CCDC88A: variants seen among roughly 807,000 people sequenced by gnomAD.
CCDC88A encodes coiled-coil and HOOK domain protein 88A, also known as girdin.
Under a neutral mutation model 234.3 loss-of-function variants are expected in CCDC88A, and 54 were observed. The ratio of observed to expected loss-of-function variants is 0.23; its 90% CI spans 0.19 to 0.29. The LOEUF (loss-of-function observed/expected upper bound fraction) is 0.29, where lower values mean the gene tolerates loss of function less well. Among genes scored for constraint, CCDC88A ranks in the 10% least tolerant of loss-of-function variants. The pLI is 1.00. For synonymous variants in CCDC88A, 753 were observed against 737.8 expected (o/e 1.02, Z -0.33); for missense variants, 1,832 against 2,123.4 (o/e 0.86, Z 2.70).
Position 55,346,237 on chromosome 2 carries a change from T to G in CCDC88A, c.979A>C (p.Ser327Arg). ...EKAVRVDKLE[S>R]EVSRYKERLH... Reference sequence around the variant, plus strand: ...CTCTCTTTATATCTGCTGACTTCACTTTCAAGCTTATCGACTCTGACTGCT... The same window carrying G: ...CTCTCTTTATATCTGCTGACTTCACGTTCAAGCTTATCGACTCTGACTGCT... Residue 327 changes from serine (S) to arginine (R), a missense_variant, in exon 10 of 33, where the codon AGT becomes CGT. By Grantham distance (110) the Ser-to-Arg change is moderately radical. Coordinates refer to ENST00000436346, the MANE Select transcript of CCDC88A (RefSeq NM_001365480.1). 1 of 1,612,374 alleles carries G rather than the reference T, an allele frequency of 6.2e-7. No individual in the cohort carries two copies. Among genetic ancestry groups the G allele is most frequent in the Non-Finnish European group, 8.5e-7 (1 of 1,178,684 alleles).
rs1412562292 is a variant in CCDC88A at position 55,344,479 on chromosome 2, T to G, written c.1077A>C (p.Thr359=). Residue 359 remains threonine (T), a synonymous_variant, in exon 11 of 33, where the codon ACA becomes ACC. Coordinates refer to ENST00000436346, the MANE Select transcript of CCDC88A (RefSeq NM_001365480.1). ...CTAGTTGGTCTTCCAACATGGTTTT[T>G]GTTTCTAATAAAACTTGATTGTCTT... ...LKEDNQVLLE[T]KTMLEDQLEG... 6.4e-7 allele frequency: 1 copy of G among 1,572,568 alleles called. No homozygotes were observed. The highest frequency in any genetic ancestry group is 1.8e-5 in the Admixed American group (1 of 57,126).
rs1268895467 is a variant in CCDC88A, at chr2:55,295,866, G to A, written c.5282C>T (p.Thr1761Ile). ...PEFLRPGPRK[T>I]EDTYFISSAG... is the part of the protein sequence containing the mutation. ...AGAACTAATGAAGTAGGTATCTTCAGTTTTTCGAGGACCAGGTCTCAAAAA... is the reference window on the plus strand; with the variant it reads ...AGAACTAATGAAGTAGGTATCTTCAATTTTTCGAGGACCAGGTCTCAAAAA... The change falls in exon 31 of 33, where the codon ACT becomes ATT. Residue 1761 changes from threonine to isoleucine, a missense_variant. Physicochemically the swap from Thr to Ile is moderately conservative, Grantham distance 89. Coordinates refer to ENST00000436346, the MANE Select transcript of CCDC88A (RefSeq NM_001365480.1). 3 of 1,614,088 alleles carry A rather than the reference G, an allele frequency of 1.9e-6. No individual in the cohort carries two copies. The highest frequency in any genetic ancestry group is 1.1e-5 in the South Asian group (1 of 91,078).
intron 2 of CCDC88A, among the ~76,000 whole-genome samples, chr2:55,396,532 C>G (rs1374454921): frequency 6.6e-6 from 1 of 151,940 alleles, no homozygotes; most frequent in Non-Finnish European, 1.5e-5. Context: ...TTAGTTTTTC[C>G]TTTTATAGGA....
chr2:55,327,307 C>T (rs1461044770), intron 17 of CCDC88A, among the ~76,000 whole-genome samples: 1 of 152,016 alleles, frequency 6.6e-6, no homozygotes, highest in Non-Finnish European at 1.5e-5. Context: ...AATAGACAGC[C>T]CTATCTCTGA....
chr2:55,322,323 G>GAA (rs1181574567), intron 18 of CCDC88A, among the ~76,000 whole-genome samples: 1 of 152,120 alleles, frequency 6.6e-6, no homozygotes, highest in Non-Finnish European at 1.5e-5. Context: ...AATGCTGAGG[G>GAA]AAGCCAGTCA....
Position 55,335,281 on chromosome 2 carries a change from AC to A in CCDC88A, c.1657-118del. ...AAAAAAGGGTGCTAGAACATGTCTT[AC>A]TTTTAATTCTGACAAGTATTTACTG... On this transcript the variant is annotated intron_variant, in intron 14 of 32. Transcript: ENST00000436346. The surrounding 1 kb of genome is among the most constrained non-coding windows in gnomAD (Gnocchi z 4.5). 1.7e-6 allele frequency: 1 copy of A among 583,864 alleles called. No individual in the cohort carries two copies. Among genetic ancestry groups the A allele is most frequent in the Non-Finnish European group, 2.8e-6 (1 of 358,060 alleles). 36.2% of individuals were successfully genotyped at this position (583,864 alleles called of 1,614,324 possible).
In CCDC88A at chr2:55,301,270, T is replaced by C. The variant is rs776286471; in HGVS notation, c.4680A>G (p.Thr1560=). 1.3e-6 allele frequency: 2 copies of C among 1,566,050 alleles called. No homozygotes were observed. Among genetic ancestry groups the C allele is most frequent in the South Asian group, 2.3e-5 (2 of 86,304 alleles). The part of the protein sequence containing the change: ...SKQLVNNKDT[T]SFEDISPQGV... ...CTTGTGGACTTATGTCTTCAAAGGA[T>C]GTAGTATCTACATAAAATAGCAAAA... The change falls in exon 28 of 33, where the codon ACA becomes ACG. Residue 1560 remains threonine, a synonymous_variant. Coordinates refer to ENST00000436346, the MANE Select transcript of CCDC88A (RefSeq NM_001365480.1).
At chr2:55,337,832 C>A (rs1667988658) in intron 13 of CCDC88A, among the ~76,000 whole-genome samples, 1 of 151,672 alleles carries the variant, frequency 6.6e-6, no homozygotes, top group Non-Finnish European at 1.5e-5. Flanking sequence ...ATAGTGAGAC[C>A]CTAGCTCGAA....
In CCDC88A at chr2:55,307,649, C is replaced by T. The variant is rs558745030; in HGVS notation, c.4387+1160G>A. On this transcript the variant is annotated intron_variant, in intron 25 of 32. Coordinates refer to ENST00000436346, the MANE Select transcript of CCDC88A (RefSeq NM_001365480.1). ...GATTACAGGCGTGAGCCACCGTTCC[C>T]GGCCTAATTTTTTTTAAATAATAGA... Among the ~76,000 whole-genome samples, 51 of 151,992 alleles carry T rather than the reference C, an allele frequency of 3.4e-4. No individual in the cohort carries two copies. The South Asian group carries it at 6.9e-3, about 20-fold the overall frequency.
In CCDC88A at chr2:55,325,982, A is replaced by AT. The variant is rs201171913; in HGVS notation, c.2997+2311dup. 9.2e-3 allele frequency among the ~76,000 whole-genome samples: 1,273 copies of AT among 138,766 alleles called. 29 individuals are homozygous for AT. The highest frequency in any genetic ancestry group is 0.032 in the African/African-American group (1,206 of 37,260). 91.0% of individuals were successfully genotyped at this position (138,766 alleles called of 152,430 possible). A position where few individuals can be genotyped will look rare whatever the true frequency, so the allele number is the denominator to read the frequency against. ...GTGCTGGAATGATATATCATTTTCC[A>AT]TCAAGATTTCTGATAGGTAGCATAT... is the stretch of plus-strand genomic sequence containing the variant. On this transcript the variant is annotated intron_variant, in intron 17 of 32. Transcript: ENST00000436346.
chr2:55,390,149 A>C (rs1676412547), intron 2 of CCDC88A, among the ~76,000 whole-genome samples: 1 of 152,076 alleles, frequency 6.6e-6, no homozygotes, highest in Non-Finnish European at 1.5e-5. Flanking sequence ...AACAAAAACA[A>C]CTTAGAAAAC....
chr2:55,314,074 T>C (rs533481296), intron 22 of CCDC88A: 1 of 152,238 alleles, frequency 6.6e-6, no homozygotes, highest in East Asian at 1.9e-4. Context: ...CAGTTCCAAG[T>C]CTAGGCCTCA....
chr2:55,322,124 G>A (rs927454674), intron 18 of CCDC88A, among the ~76,000 whole-genome samples: 3 of 152,082 alleles, frequency 2.0e-5, no homozygotes, highest in Admixed American at 1.3e-4. Flanking sequence ...GTAAAGGCAC[G>A]GTGGTAATAA....
rs1445240983 is a variant in CCDC88A, at chr2:55,362,374, T to C, written c.561A>G (p.Glu187=). 6.2e-7 allele frequency: 1 copy of C among 1,603,360 alleles called. No homozygotes were observed. The highest frequency in any genetic ancestry group is 8.5e-7 in the Non-Finnish European group (1 of 1,175,796). Residue 187 remains glutamate, a synonymous_variant, in exon 7 of 33, where the codon GAA becomes GAG. Coordinates refer to ENST00000436346, the MANE Select transcript of CCDC88A (RefSeq NM_001365480.1). The part of the protein sequence containing the change: ...EVTDMSQEDI[E]PLLKNMALHL... ...GCAATGCCATATTTTTCAAGAGTGG[T>C]TCTATGTCCTCCTGCGACATATCAG...
At chr2:55,400,093 T>C (rs1410747454) in intron 2 of CCDC88A, among the ~76,000 whole-genome samples, 1 of 152,212 alleles carries the variant, frequency 6.6e-6, no homozygotes, top group African/African-American at 2.4e-5. Context: ...ATGTAGTCTA[T>C]TAAATATTCC....
At chr2:55,308,042 A>G (rs1487515042) in intron 25 of CCDC88A, 2 of 144,088 alleles carry the variant, frequency 1.4e-5, no homozygotes, top group Admixed American at 1.5e-4. Context: ...CAATGGTGCA[A>G]TCTCGGCCTC....
At chr2:55,346,130 C>G (rs1284192666) in intron 10 of CCDC88A, 45 bp downstream of exon 10, 1 of 1,417,690 alleles carries the variant, frequency 7.1e-7, no homozygotes, top group East Asian at 2.4e-5. Flanking sequence ...TGTTAAAATT[C>G]TAACACAGAA....
intron 4 of CCDC88A, among the ~76,000 whole-genome samples, chr2:55,374,057 T>C (rs984813224): frequency 6.6e-6 from 1 of 152,196 alleles, no homozygotes; most frequent in Non-Finnish European, 1.5e-5. Context: ...CATCTTTCCA[T>C]TCAGAAGAAG....
At chr2:55,398,734 G>C (rs1049312025) in intron 2 of CCDC88A, among the ~76,000 whole-genome samples, 3 of 152,004 alleles carry the variant, frequency 2.0e-5, no homozygotes, top group African/African-American at 7.3e-5. Flanking sequence ...GCAACACAGT[G>C]AAACCTCATC....
Sources: allele counts gnomAD v4.1 joint callset (sites outside exome capture counted in the v4.1 genomes callset), GRCh38; gene constraint gnomAD v4.1.1; non-coding constraint Gnocchi (gnomAD v3.1); transcripts MANE v1.5; gene names NCBI Gene and HGNC (gene_info 2026-07-23, HGNC 2026-07-21).